Variants in ZFAT observed in about 807,000 individuals in gnomAD.
ZFAT encodes zinc finger protein ZFAT.
In ZFAT, 64 loss-of-function variants were observed where a neutral mutation model predicts 117.7. The observed-to-expected ratio is 0.54, with a 90% CI of 0.44 to 0.67. The LOEUF (loss-of-function observed/expected upper bound fraction) is 0.67. Among genes scored for constraint, ZFAT ranks in the 30% least tolerant of loss-of-function variants. The pLI, the probability that ZFAT is intolerant of heterozygous loss-of-function variation, is 0.00. For synonymous variants in ZFAT, 679 were observed against 615.0 expected (o/e 1.10, Z -1.54); for missense variants, 1,433 against 1,584.5 (o/e 0.90, Z 1.62).
the ZFAT span, among the ~76,000 whole-genome samples, chr8:134,790,440 G>T: frequency 6.6e-6 from 1 of 152,152 alleles, no homozygotes; most frequent in Non-Finnish European, 1.5e-5. Context: ...AAGCTGGCAT[G>T]AAACTGTTTT....
chr8:134,509,555 G>C, intron 15 of ZFAT, 64 bp downstream of exon 15: 5 of 1,604,598 alleles, frequency 3.1e-6, no homozygotes, highest in Non-Finnish European at 4.3e-6. Context: ...GAAACACAGG[G>C]AGAAGGAGAG....
chr8:134,501,909 A>T (rs1019462723), intron 15 of ZFAT, among the ~76,000 whole-genome samples: 2 of 152,152 alleles, frequency 1.3e-5, no homozygotes, highest in Non-Finnish European at 2.9e-5. Flanking sequence ...TAGAGAAGAG[A>T]TCTCATCTCG....
chr8:134,688,736 C>T (rs1336669384), intron 1 of ZFAT, among the ~76,000 whole-genome samples: 1 of 152,180 alleles, frequency 6.6e-6, no homozygotes, highest in Non-Finnish European at 1.5e-5. Flanking sequence ...CCCTCTCCCT[C>T]AGGGGCCTCA....
the ZFAT span, among the ~76,000 whole-genome samples, chr8:134,727,861 A>T: frequency 6.6e-6 from 1 of 152,174 alleles, no homozygotes; most frequent in African/African-American, 2.4e-5. Context: ...AGGAAGTGAG[A>T]TTTGCCCCCT....
At chr8:134,718,897 A>G in the ZFAT span, among the ~76,000 whole-genome samples, 1 of 152,246 alleles carries the variant, frequency 6.6e-6, no homozygotes, top group Non-Finnish European at 1.5e-5. Context: ...TAGTTCAGCC[A>G]TACAGGGAAA....
At chr8:134,693,638 G>C (rs896076387) in intron 1 of ZFAT, among the ~76,000 whole-genome samples, 1 of 137,054 alleles carries the variant, frequency 7.3e-6, no homozygotes, top group Non-Finnish European at 1.6e-5. Context: ...CGGGGGGTGG[G>C]AGAAGACAAC....
At chr8:134,540,032 G>A (rs1822135478) in intron 11 of ZFAT, among the ~76,000 whole-genome samples, 1 of 152,190 alleles carries the variant, frequency 6.6e-6, no homozygotes, top group Non-Finnish European at 1.5e-5. Context: ...ACTGTGCTTT[G>A]AGAATCATAA....
chr8:134,744,300 T>G, the ZFAT span, among the ~76,000 whole-genome samples: 2 of 151,198 alleles, frequency 1.3e-5, no homozygotes, highest in Non-Finnish European at 3.0e-5. Flanking sequence ...TAAGAGTTTT[T>G]TTTTTTTTTT....
the ZFAT span, among the ~76,000 whole-genome samples, chr8:134,800,212 T>C: frequency 6.6e-6 from 1 of 152,184 alleles, no homozygotes; most frequent in South Asian, 2.1e-4. Flanking sequence ...ATTGAAAAGA[T>C]ACAATAAAAA....
At chr8:134,830,367 A>G in the ZFAT span, among the ~76,000 whole-genome samples, 1 of 152,234 alleles carries the variant, frequency 6.6e-6, no homozygotes, top group Non-Finnish European at 1.5e-5. Flanking sequence ...ACAAGATCCC[A>G]AACGGACTGA....
At chr8:134,797,045 AAAG>A in the ZFAT span, 1 of 152,202 alleles carries the variant, frequency 6.6e-6, no homozygotes, top group Admixed American at 6.5e-5. Context: ...GTTATCTGAA[AAAG>A]AAGGACTGAC....
At chr8:134,609,092 C>T in intron 4 of ZFAT, among the ~76,000 whole-genome samples, 1 of 151,988 alleles carries the variant, frequency 6.6e-6, no homozygotes, top group African/African-American at 2.4e-5. Context: ...TTTCAATAAT[C>T]TGTCTAAATG....
chr8:134,702,913 T>A (rs1301427422), intron 1 of ZFAT, among the ~76,000 whole-genome samples: 1 of 152,278 alleles, frequency 6.6e-6, no homozygotes, highest in East Asian at 1.9e-4. Context: ...CCTCGTGATC[T>A]GCCGGCCTCG....
At chr8:134,831,865 C>T in the ZFAT span, among the ~76,000 whole-genome samples, 2 of 152,030 alleles carry the variant, frequency 1.3e-5, no homozygotes, top group Non-Finnish European at 2.9e-5. Flanking sequence ...CCCCACGACG[C>T]CCCCCAGAGG....
At chr8:134,490,022 C>T (rs977870542) in intron 15 of ZFAT, among the ~76,000 whole-genome samples, 15 of 152,186 alleles carry the variant, frequency 9.9e-5, no homozygotes, top group Non-Finnish European at 1.5e-5. Flanking sequence ...CTGTGAAATG[C>T]AGACCAGAGC....
At chr8:134,611,467 G>A (rs563716913) in intron 3 of ZFAT, among the ~76,000 whole-genome samples, 18 of 152,222 alleles carry the variant, frequency 1.2e-4, no homozygotes, top group East Asian at 3.8e-4. Flanking sequence ...AGGGGAGGGC[G>A]TCAGAGCTGG....
the ZFAT span, chr8:134,765,810 ACTC>A: frequency 5.3e-5 from 8 of 151,958 alleles, no homozygotes; most frequent in African/African-American, 1.7e-4. Context: ...AGCTTCATTA[ACTC>A]CTCATGTGAG....
At chr8:134,737,255 G>A in the ZFAT span, among the ~76,000 whole-genome samples, 1 of 151,500 alleles carries the variant, frequency 6.6e-6, no homozygotes, top group African/African-American at 2.4e-5. Context: ...ACTCCAGCCT[G>A]GGCAACAAGA....
chr8:134,560,770 G>A (rs1823989145), intron 11 of ZFAT, among the ~76,000 whole-genome samples: 1 of 152,178 alleles, frequency 6.6e-6, no homozygotes, highest in Admixed American at 6.5e-5. Flanking sequence ...AAAGCAAAGA[G>A]TTGAATAGCT....
Sources: gnomAD v4.1 joint callset for allele counts (sites outside exome capture counted in the v4.1 genomes callset) on GRCh38, gnomAD v4.1.1 for gene constraint, MANE v1.5 for transcripts, NCBI Gene and HGNC (gene_info 2026-07-23, HGNC 2026-07-21) for gene names.